Variants in NRG3 observed in about 807,000 individuals in gnomAD.
The protein encoded by NRG3 is pro-neuregulin-3, membrane-bound isoform.
Under a neutral mutation model 66.9 loss-of-function variants are expected in NRG3, and 31 were observed. The ratio of observed to expected loss-of-function variants is 0.46; its 90% CI spans 0.35 to 0.63. The LOEUF is 0.63. NRG3 is among the 20% of genes least tolerant of loss of function. The pLI is 0.00. For synonymous variants in NRG3, 393 were observed against 359.4 expected (o/e 1.09, Z -1.06); for missense variants, 910 against 878.9 (o/e 1.04, Z -0.45).
chr10:82,081,263 G>GGA (rs979024735), intron 1 of NRG3, among the ~76,000 whole-genome samples: 16 of 152,234 alleles, frequency 1.1e-4, no homozygotes, highest in Admixed American at 8.5e-4. Context: ...AGAGAAGAAT[G>GGA]GAGAGACACC....
chr10:82,715,766 A>C (rs1479926955), intron 2 of NRG3, among the ~76,000 whole-genome samples: 1 of 152,288 alleles, frequency 6.6e-6, no homozygotes, highest in Non-Finnish European at 1.5e-5. Context: ...AGTATCATAG[A>C]CCAGTGTCTT....
At chr10:82,548,039 GT>G (rs57096412) in intron 2 of NRG3, among the ~76,000 whole-genome samples, 4,838 of 120,952 alleles carry the variant, frequency 0.04, 133 homozygotes, top group African/African-American at 0.089. Context: ...CTCATGCCAC[GT>G]TTTTTTTTTT....
chr10:82,263,138 T>G (rs902074042), intron 1 of NRG3, among the ~76,000 whole-genome samples: 1 of 152,206 alleles, frequency 6.6e-6, no homozygotes, highest in Admixed American at 6.5e-5. Context: ...GTCTGGGGAC[T>G]TAATAAAGCA....
At chr10:82,079,464 G>A (rs1304306478) in intron 1 of NRG3, among the ~76,000 whole-genome samples, 1 of 152,156 alleles carries the variant, frequency 6.6e-6, no homozygotes, top group Admixed American at 6.5e-5. Flanking sequence ...CTCCACCAAA[G>A]GGATACATTT....
intron 3 of NRG3, among the ~76,000 whole-genome samples, chr10:82,812,493 A>AT (rs1340450589): frequency 1.3e-5 from 2 of 152,356 alleles, no homozygotes; most frequent in Non-Finnish European, 2.9e-5. Flanking sequence ...CCTAGGTGAG[A>AT]TAAAAAATAA....
At chr10:82,659,013 G>A (rs1287737102) in intron 2 of NRG3, among the ~76,000 whole-genome samples, 1 of 152,112 alleles carries the variant, frequency 6.6e-6, no homozygotes, top group Non-Finnish European at 1.5e-5. Context: ...CTTTGACAAT[G>A]GAATTTCAAA....
At chr10:82,145,481 T>C (rs991262979) in intron 1 of NRG3, among the ~76,000 whole-genome samples, 6 of 152,200 alleles carry the variant, frequency 3.9e-5, no homozygotes, top group African/African-American at 7.2e-5. Flanking sequence ...AAAGCAAATG[T>C]ATAATGTACC....
rs57900993 is a variant in NRG3 at position 82,377,457 on chromosome 10, T to TGTGC, written c.953+18590_953+18591insTGCG. ...GCGCGTGTGTGTGTGTGTGTGTGTGTGCGCGAGCGCACATGCGTGAGTTCA... is the reference window on the plus strand; with the variant it reads ...GCGCGTGTGTGTGTGTGTGTGTGTGTGTGCGCGCGAGCGCACATGCGTGAGTTCA... On this transcript the variant is annotated intron_variant, in intron 2 of 8. Transcript: ENST00000372141. Among the ~76,000 whole-genome samples, 212 of 150,454 alleles carry TGTGC rather than the reference T, an allele frequency of 1.4e-3. 2 individuals are homozygous for TGTGC. The highest frequency in any genetic ancestry group is 6.8e-3 in the Middle Eastern group (2 of 292).
intron 3 of NRG3, among the ~76,000 whole-genome samples, chr10:82,835,794 G>T (rs2062743743): frequency 6.6e-6 from 1 of 152,112 alleles, no homozygotes; most frequent in Non-Finnish European, 1.5e-5. Flanking sequence ...GCTTTGTTCA[G>T]ATCTCTGAAC....
intron 2 of NRG3, among the ~76,000 whole-genome samples, chr10:82,532,509 CTA>C (rs1450234978): frequency 1.6e-4 from 23 of 145,916 alleles, no homozygotes; most frequent in Non-Finnish European, 2.3e-4. Flanking sequence ...CTATATACAT[CTA>C]TATGTATATA....
intron 1 of NRG3, among the ~76,000 whole-genome samples, chr10:82,212,357 A>G (rs1294262185): frequency 6.6e-6 from 1 of 152,216 alleles, no homozygotes; most frequent in African/African-American, 2.4e-5. Context: ...AGCAAATAGT[A>G]GCACTCAATA....
At chr10:82,570,622 G>A (rs2045670671) in intron 2 of NRG3, among the ~76,000 whole-genome samples, 1 of 151,464 alleles carries the variant, frequency 6.6e-6, no homozygotes, top group Non-Finnish European at 1.5e-5. Context: ...ATATTAATGG[G>A]CATGATTTGA....
intron 1 of NRG3, among the ~76,000 whole-genome samples, chr10:82,017,902 T>C (rs1454464420): frequency 6.6e-6 from 1 of 152,226 alleles, no homozygotes; most frequent in Non-Finnish European, 1.5e-5. Context: ...CTGTTCACTC[T>C]GATGGCAGTT....
chr10:82,718,777 C>G (rs2057124353), intron 2 of NRG3, among the ~76,000 whole-genome samples: 1 of 152,202 alleles, frequency 6.6e-6, no homozygotes, highest in African/African-American at 2.4e-5. Context: ...GAGCCCCAGT[C>G]ACTTCTTATT....
At chr10:81,959,934 C>G (rs1589602201) in intron 1 of NRG3, among the ~76,000 whole-genome samples, 1 of 151,992 alleles carries the variant, frequency 6.6e-6, no homozygotes, top group Non-Finnish European at 1.5e-5. Context: ...TTACCATTTA[C>G]TATTTTTTAC....
intron 1 of NRG3, among the ~76,000 whole-genome samples, chr10:81,882,985 T>C (rs1842315408): frequency 1.3e-5 from 2 of 152,082 alleles, no homozygotes; most frequent in African/African-American, 4.8e-5. Context: ...TGGGAGAAAA[T>C]GAGTGAGATT....
At chr10:81,924,845 T>C (rs564692900) in intron 1 of NRG3, among the ~76,000 whole-genome samples, 2 of 152,292 alleles carry the variant, frequency 1.3e-5, no homozygotes, top group Admixed American at 1.3e-4. Flanking sequence ...GGATTTCCTG[T>C]TTGATAATTA....
In NRG3 at chr10:81,957,382, T is replaced by G. The variant is rs115032092; in HGVS notation, c.823+81219T>G. On this transcript the variant is annotated intron_variant, in intron 1 of 8. Transcript: ENST00000372141. Reference sequence around the variant, plus strand: ...CTACTGCCTGCTGCTCTTCTCTCCCTTACATCATTCTCTCCCTTGCATCAT... The same window carrying G: ...CTACTGCCTGCTGCTCTTCTCTCCCGTACATCATTCTCTCCCTTGCATCAT... 5.8e-3 allele frequency among the ~76,000 whole-genome samples: 880 copies of G among 152,258 alleles called. 7 individuals carry two copies. The highest frequency in any genetic ancestry group is 0.02 in the African/African-American group (812 of 41,554).
chr10:82,868,483 G>A (rs557302276), intron 4 of NRG3, among the ~76,000 whole-genome samples: 2 of 152,206 alleles, frequency 1.3e-5, no homozygotes, highest in South Asian at 2.1e-4. Flanking sequence ...GAGGGAAGGG[G>A]TTGGGGAACA....
Sources: gnomAD v4.1 joint callset for allele counts (sites outside exome capture counted in the v4.1 genomes callset) on GRCh38, gnomAD v4.1.1 for gene constraint, MANE v1.5 for transcripts, NCBI Gene and HGNC (gene_info 2026-07-23, HGNC 2026-07-21) for gene names.